Variants in CDC42SE2 observed in about 807,000 individuals in gnomAD.
CDC42SE2 encodes CDC42 small effector 2.
Under a neutral mutation model 11.5 loss-of-function variants are expected in CDC42SE2, and 3 were observed. That is an observed-to-expected ratio of 0.26 (90% CI 0.12 to 0.67). The LOEUF is 0.67. Ranked by LOEUF, CDC42SE2 falls within the 30% of genes least tolerant of loss-of-function variation. The pLI is 0.80. For synonymous variants in CDC42SE2, 33 were observed against 34.8 expected (o/e 0.95, Z 0.18); for missense variants, 82 against 106.8 (o/e 0.77, Z 1.02).
intron 2 of CDC42SE2, among the ~76,000 whole-genome samples, chr5:131,320,959 A>G (rs114661110): frequency 2.3e-3 from 351 of 152,336 alleles, no homozygotes; most frequent in Admixed American, 3.8e-3. Flanking sequence ...CAGAGGAAGA[A>G]AATGAATTTT....
intron 3 of CDC42SE2, among the ~76,000 whole-genome samples, chr5:131,370,419 A>G (rs762697626): frequency 2.0e-5 from 3 of 151,858 alleles, no homozygotes; most frequent in East Asian, 1.9e-4. Flanking sequence ...TGGAGTCACT[A>G]TGTGTTCCTC....
chr5:131,266,460 CTTTTTTTTTTT>C (rs913283936), intron 1 of CDC42SE2, among the ~76,000 whole-genome samples: 1 of 128,196 alleles, frequency 7.8e-6, no homozygotes, highest in Non-Finnish European at 1.7e-5. Context: ...TTTTTTTTTT[CTTTTTTTTTTT>C]TTTTTCGAGA....
intron 3 of CDC42SE2, among the ~76,000 whole-genome samples, chr5:131,365,950 C>T (rs1051333093): frequency 6.6e-6 from 1 of 152,128 alleles, no homozygotes. Context: ...CCACTGCACT[C>T]CAGCCTGGAG....
intron 1 of CDC42SE2, among the ~76,000 whole-genome samples, chr5:131,302,128 T>C (rs2149716754): frequency 6.6e-6 from 1 of 151,864 alleles, no homozygotes; most frequent in South Asian, 2.1e-4. Flanking sequence ...TGCCTCAGCC[T>C]CCTAAGTAGC....
At chr5:131,336,585 C>G (rs1326398962) in intron 2 of CDC42SE2, among the ~76,000 whole-genome samples, 1 of 152,202 alleles carries the variant, frequency 6.6e-6, no homozygotes, top group Non-Finnish European at 1.5e-5. Context: ...TGGTTCCATT[C>G]TCCCCGTCAC....
chr5:131,328,156 G>T (rs1300680013), intron 2 of CDC42SE2, among the ~76,000 whole-genome samples: 1 of 151,908 alleles, frequency 6.6e-6, no homozygotes, highest in African/African-American at 2.4e-5. Context: ...TTTTTTTGGG[G>T]GATACATTCA....
At chr5:131,327,915 A>T (rs1034400523) in intron 2 of CDC42SE2, among the ~76,000 whole-genome samples, 1 of 152,206 alleles carries the variant, frequency 6.6e-6, no homozygotes, top group Non-Finnish European at 1.5e-5. Flanking sequence ...AAGATACCAC[A>T]GACTGGGTAA....
rs373330997 is a variant in CDC42SE2, at chr5:131,376,363, A to G, written c.55-9180A>G. Reference sequence around the variant, plus strand: ...GATCCCAGATTTGAAGGGAAGGTAAAATGTCATATACTGCTATAGAAGGTA... The same window carrying G: ...GATCCCAGATTTGAAGGGAAGGTAAGATGTCATATACTGCTATAGAAGGTA... On this transcript the variant is annotated intron_variant, in intron 3 of 4. Coordinates refer to ENST00000505065, the MANE Select transcript of CDC42SE2 (RefSeq NM_001375635.1). Among the ~76,000 whole-genome samples, 16 of 152,294 alleles carry G rather than the reference A, an allele frequency of 1.1e-4. No homozygotes were observed. The South Asian group carries it at 2.3e-3, about 22-fold the overall frequency.
chr5:131,314,129 A>G (rs1757989850), intron 1 of CDC42SE2, among the ~76,000 whole-genome samples: 1 of 152,234 alleles, frequency 6.6e-6, no homozygotes, highest in Admixed American at 6.5e-5. Flanking sequence ...TCATTGATCT[A>G]TGAACATAAT....
At chr5:131,222,280 C>A in the CDC42SE2 span, among the ~76,000 whole-genome samples, 1 of 152,188 alleles carries the variant, frequency 6.6e-6, no homozygotes, top group Non-Finnish European at 1.5e-5. Context: ...TCTTGGCCAT[C>A]CAAAAGTCTC....
chr5:131,302,450 A>T (rs1029719530), intron 1 of CDC42SE2, among the ~76,000 whole-genome samples: 4 of 152,166 alleles, frequency 2.6e-5, no homozygotes, highest in African/African-American at 9.7e-5. Flanking sequence ...AAGTGCCAGG[A>T]TTACAGGTGT....
At chr5:131,314,770 G>C (rs945050919) in intron 1 of CDC42SE2, among the ~76,000 whole-genome samples, 27 of 152,106 alleles carry the variant, frequency 1.8e-4, no homozygotes, top group African/African-American at 6.5e-4. Context: ...GTCTTGCCAG[G>C]AATGAGATTA....
chr5:131,272,343 C>T (rs1010448989), intron 1 of CDC42SE2, among the ~76,000 whole-genome samples: 3 of 152,082 alleles, frequency 2.0e-5, no homozygotes, highest in South Asian at 2.1e-4. Context: ...AATCCTAGTA[C>T]GTTTCCTGAT....
chr5:131,215,165 AG>A, the CDC42SE2 span, among the ~76,000 whole-genome samples: 1 of 152,214 alleles, frequency 6.6e-6, no homozygotes, highest in Non-Finnish European at 1.5e-5. Flanking sequence ...TCCACCAAAG[AG>A]GGAGAAGGAG....
At chr5:131,331,614 T>C (rs1758420830) in intron 2 of CDC42SE2, among the ~76,000 whole-genome samples, 1 of 152,318 alleles carries the variant, frequency 6.6e-6, no homozygotes, top group South Asian at 2.1e-4. Context: ...TAGTTGGACT[T>C]TTCTTTATAA....
chr5:131,259,666 T>G (rs1327951821), upstream of CDC42SE2, among the ~76,000 whole-genome samples: 1 of 152,236 alleles, frequency 6.6e-6, no homozygotes, highest in Non-Finnish European at 1.5e-5. Context: ...TCATCTAATT[T>G]ATCAGCAGAC....
At chr5:131,300,058 G>C (rs185962946) in intron 1 of CDC42SE2, among the ~76,000 whole-genome samples, 28 of 152,264 alleles carry the variant, frequency 1.8e-4, no homozygotes, top group African/African-American at 6.7e-4. Flanking sequence ...GTCTCTCTTG[G>C]AGTTTCCTGT....
intron 1 of CDC42SE2, among the ~76,000 whole-genome samples, chr5:131,305,641 T>C (rs1235548184): frequency 6.6e-6 from 1 of 152,198 alleles, no homozygotes; most frequent in East Asian, 1.9e-4. Flanking sequence ...TCCTTATATA[T>C]TTTGGATATT....
At chr5:131,320,151 AAGGCAGGTGGATC>A (rs1229873606) in intron 2 of CDC42SE2, among the ~76,000 whole-genome samples, 3 of 151,076 alleles carry the variant, frequency 2.0e-5, no homozygotes, top group South Asian at 4.2e-4. Flanking sequence ...TTGGGAGGCC[AAGGCAGGTGGATC>A]ACTTGAGGTT....
Sources: gnomAD v4.1 joint callset for allele counts (sites outside exome capture counted in the v4.1 genomes callset) on GRCh38, gnomAD v4.1.1 for gene constraint, MANE v1.5 for transcripts, NCBI Gene and HGNC (gene_info 2026-07-23, HGNC 2026-07-21) for gene names.